Variants in CHD8 observed in about 807,000 individuals in gnomAD.
The protein encoded by CHD8 is ATP-dependent chromatin remodeler CHD8.
A neutral mutation model predicts 279.2 loss-of-function variants in CHD8; 31 were observed. The observed-to-expected ratio is 0.11, with a 90% CI of 0.08 to 0.15. The LOEUF (loss-of-function observed/expected upper bound fraction) is 0.15, where lower values mean the gene tolerates loss of function less well. CHD8 is among the 10% of genes least tolerant of loss of function. The pLI is 1.00. For missense variants in CHD8, 2,146 were observed against 3,230.5 expected (o/e 0.66, Z 8.14); for synonymous variants, 1,081 against 1,139.6 (o/e 0.95, Z 1.04).
Position 21,397,108 on chromosome 14 carries a change from G to A in CHD8, c.5051+715C>T, listed in dbSNP as rs1326088594. ...TTATTATTTCATTTGTATGGTTCAC[G>A]CTTTTTTGTTTTTATTACTGTGTTC... On this transcript the variant is annotated intron_variant, in intron 27 of 37. Transcript: ENST00000646647. 3.4e-5 allele frequency: 7 copies of A among 207,766 alleles called. No individual in the cohort carries two copies. In the East Asian group the frequency reaches 3.5e-4, roughly 10 times the overall value. 12.9% of individuals were successfully genotyped at this position (207,766 alleles called of 1,614,324 possible).
intron 10 of CHD8, 85 bp from the exon 11 acceptor site, chr14:21,410,073 A>G (rs1318361036): frequency 3.7e-6 from 5 of 1,339,776 alleles, no homozygotes; most frequent in Non-Finnish European, 5.0e-6. Flanking sequence ...TTGTAAAATC[A>G]GATCACAAAG....
At position 21,393,643 on chromosome 14, in the gene CHD8, G is replaced by C. The variant is rs777765819; in HGVS notation, c.6152C>G (p.Thr2051Ser). Residue 2051 changes from threonine (T) to serine (S), a missense_variant, in exon 32 of 38, where the codon ACC becomes AGC. By Grantham distance (58) the Thr-to-Ser change is moderately conservative. Transcript: ENST00000646647. ...TGGAACACTCCGGGAAACCAGAGGG[G>C]TAGTATCAGAGGGGGATACTCGCAT... ...YEMRVSPSDT[T>S]PLVSRSVPPV... The C allele has an allele frequency of 4.3e-6, 7 of 1,613,850 alleles. No individual in the cohort carries two copies. Among genetic ancestry groups the C allele is most frequent in the African/African-American group, 1.3e-5 (1 of 74,912 alleles).
intron 1 of CHD8, among the ~76,000 whole-genome samples, chr14:21,433,136 C>A (rs1889635411): frequency 6.6e-6 from 1 of 152,080 alleles, no homozygotes; most frequent in African/African-American, 2.4e-5. Context: ...AGTAGCTAAT[C>A]AAAAAACAGT....
rs1341030926 is a variant in CHD8, at chr14:21,393,207, G to A, written c.6367C>T (p.Leu2123Phe). The change falls in exon 33 of 38, where the codon CTC becomes TTC. Residue 2123 changes from leucine to phenylalanine, a missense_variant. Leu to Phe is a conservative substitution (Grantham distance 22, BLOSUM62 0). This residue lies in a region of CHD8 where 513 missense variants were observed against 637.6 expected (regional missense o/e 0.80). Transcript: ENST00000646647. Reference sequence around the variant, plus strand: ...GGGAATCCATCTTGGGACATAGTGAGGGACAGGAGACTCTCTTCATCATAG... The same window carrying A: ...GGGAATCCATCTTGGGACATAGTGAAGGACAGGAGACTCTCTTCATCATAG... ...KLYDEESLLSLTMSQDGFPNE... is the reference protein window; with the variant it reads ...KLYDEESLLSFTMSQDGFPNE... 2 of 1,613,896 alleles carry A rather than the reference G, an allele frequency of 1.2e-6. No individual in the cohort carries two copies. Among genetic ancestry groups the A allele is most frequent in the Non-Finnish European group, 1.7e-6 (2 of 1,179,892 alleles).
At chr14:21,422,974 C>T (rs530797765) in intron 5 of CHD8, among the ~76,000 whole-genome samples, 1 of 151,932 alleles carries the variant, frequency 6.6e-6, no homozygotes, top group South Asian at 2.1e-4. Context: ...CTAATGCCAG[C>T]ATTTTGGGAG....
Position 21,408,489 on chromosome 14 carries a change from C to G in CHD8, c.2553G>C (p.Gln851His). ...CATGGATGCCCACATTATATACTTC[C>G]TGCAAGAAGGCAATGGACTGAATAG... ...GKTIQSIAFL[Q>H]EVYNVGIHGP... Residue 851 changes from glutamine to histidine, a missense_variant, in exon 13 of 38, where the codon CAG (glutamine) becomes CAC (histidine). Coordinates refer to ENST00000646647, the MANE Select transcript of CHD8 (RefSeq NM_001170629.2). The surrounding 1 kb of genome is among the most constrained non-coding windows in gnomAD (Gnocchi z 4.3). The G allele has an allele frequency of 1.9e-6, 3 of 1,613,926 alleles. No homozygotes were observed.
Position 21,405,682 on chromosome 14 carries a change from T to G in CHD8, c.3051+39A>C. The G allele has an allele frequency of 1.2e-6, 2 of 1,607,816 alleles. No homozygotes were observed. The highest frequency in any genetic ancestry group is 1.7e-6 in the Non-Finnish European group (2 of 1,176,526). ...TCTGCCTTGTACAAACTTCACCTTCTTTGTCCTGAGTTAGTACCTCATCAG... is the reference window on the plus strand; with the variant it reads ...TCTGCCTTGTACAAACTTCACCTTCGTTGTCCTGAGTTAGTACCTCATCAG... On this transcript the variant is annotated intron_variant, in intron 15 of 37. Transcript: ENST00000646647. This position sits in a 1 kb window ranked among gnomAD's most constrained non-coding sequence, Gnocchi z 4.2.
intron 28 of CHD8, chr14:21,395,594 AAAT>A: frequency 1.7e-6 from 1 of 589,336 alleles, no homozygotes; most frequent in Non-Finnish European, 3.0e-6. Flanking sequence ...TTTATTAGTC[AAAT>A]AATATCTTTC....
At chr14:21,394,573 A>G (rs1887690519) in intron 30 of CHD8, 88 bp from the exon 31 acceptor site, 2 of 598,776 alleles carry the variant, frequency 3.3e-6, no homozygotes, top group South Asian at 2.0e-5. Context: ...GTGTTTTAGA[A>G]TATCTGAAAA....
At chr14:21,430,495 GA>G in intron 2 of CHD8, 1 of 274,734 alleles carries the variant, frequency 3.6e-6, no homozygotes, top group Non-Finnish European at 6.9e-6. Context: ...CAATTATTGT[GA>G]ACTCTTGCTT....
chr14:21,391,687 GGGGAGGGA>G, intron 35 of CHD8, 45 bp from the exon 36 acceptor site: 1 of 1,539,156 alleles, frequency 6.5e-7, no homozygotes, highest in Non-Finnish European at 8.8e-7. Flanking sequence ...CTCTTCTTTG[GGGGAGGGA>G]GGGAGGGGGA....
chr14:21,388,825 T>G (rs1566407190), intron 37 of CHD8, among the ~76,000 whole-genome samples: 2 of 152,122 alleles, frequency 1.3e-5, no homozygotes, highest in Non-Finnish European at 2.9e-5. Context: ...ATCCATGGAT[T>G]TTGGTATCTG....
chr14:21,431,399 G>A lies in CHD8; in HGVS notation c.245C>T (p.Ser82Phe), dbSNP rs1889558800. 1.3e-6 allele frequency: 2 copies of A among 1,537,260 alleles called. No homozygotes were observed. Among genetic ancestry groups the A allele is most frequent in the African/African-American group, 2.7e-5 (2 of 73,166 alleles). ...ETAPTELSKESTAPAPESITL... is the reference protein window; with the variant it reads ...ETAPTELSKEFTAPAPESITL... Reference sequence around the variant, plus strand: ...TATGGATTCTGGAGCTGGAGCTGTGGATTCTTTGGAAAGTTCTGTGGGAGC... The same window carrying A: ...TATGGATTCTGGAGCTGGAGCTGTGAATTCTTTGGAAAGTTCTGTGGGAGC... The change falls in exon 2 of 38, where the codon TCC (serine) becomes TTC (phenylalanine). Residue 82 changes from serine to phenylalanine, a missense_variant. Ser to Phe is a radical substitution (Grantham distance 155). Coordinates refer to ENST00000646647, the MANE Select transcript of CHD8 (RefSeq NM_001170629.2).
At chr14:21,434,416 G>T (rs1485590876) in intron 1 of CHD8, among the ~76,000 whole-genome samples, 4 of 151,714 alleles carry the variant, frequency 2.6e-5, no homozygotes, top group Non-Finnish European at 4.4e-5. Context: ...GTATTTTGTC[G>T]CTTCCATGAT....
In CHD8 at chr14:21,392,603, T is replaced by C. The variant is rs1248591375; in HGVS notation, c.6675A>G (p.Ala2225=). Residue 2225 remains alanine (A), a synonymous_variant, in exon 34 of 38, where the codon GCA becomes GCG. Transcript: ENST00000646647. ...TPRSSSAASM[A]EEEASAVSTA... ...TGCTGACTGCAGATGCTTCCTCCTC[T>C]GCCATGGAAGCTGCACTACTACTTC... The C allele has an allele frequency of 6.2e-7, 1 of 1,613,940 alleles. No individual in the cohort carries two copies. Among genetic ancestry groups the C allele is most frequent in the South Asian group, 1.1e-5 (1 of 91,074 alleles).
intron 1 of CHD8, among the ~76,000 whole-genome samples, chr14:21,451,688 G>A (rs1032675719): frequency 4.6e-5 from 7 of 150,552 alleles, no homozygotes; most frequent in East Asian, 3.9e-4. Flanking sequence ...TAGAAATTAC[G>A]TGCTTTAAGT....
Position 21,390,785 on chromosome 14 carries a change from C to A in CHD8, c.7182+162G>T, listed in dbSNP as rs575071320. ...CTCCGTCTCAAAAAAAAAAAAAAAA[C>A]CCCAGAAAACTCCGGTTTCCTTATT... On this transcript the variant is annotated intron_variant, in intron 37 of 37. Coordinates refer to ENST00000646647, the MANE Select transcript of CHD8 (RefSeq NM_001170629.2). Among the ~76,000 whole-genome samples, 6,936 of 147,892 alleles carry A rather than the reference C, an allele frequency of 0.047. 302 individuals carry two copies. The highest frequency in any genetic ancestry group is 0.11 in the African/African-American group (4,534 of 39,920).
chr14:21,429,838 G>C (rs1889489710), intron 2 of CHD8: 1 of 219,140 alleles, frequency 4.6e-6, no homozygotes, highest in African/African-American at 2.3e-5. Flanking sequence ...GTAGAGATGA[G>C]GTCTATGTTT....
Position 21,431,360 on chromosome 14 carries a change from T to C in CHD8, c.284A>G (p.Tyr95Cys). Reference sequence around the variant, plus strand: ...CTCCTGGCTGGCAGGCTGAGTGGTATAATCATGCAAGGTTATGGATTCTGG... The same window carrying C: ...CTCCTGGCTGGCAGGCTGAGTGGTACAATCATGCAAGGTTATGGATTCTGG... ...PAPESITLHDYTTQPASQEQP... is the reference protein window; with the variant it reads ...PAPESITLHDCTTQPASQEQP... Residue 95 changes from tyrosine (Y) to cysteine (C), a missense_variant, in exon 2 of 38, where the codon TAT becomes TGT. Tyr to Cys is a radical substitution (Grantham distance 194). This residue lies in a region of CHD8 where 302 missense variants were observed against 325.5 expected (regional missense o/e 0.93). Transcript: ENST00000646647. 6.5e-7 allele frequency: 1 copy of C among 1,537,596 alleles called. No individual in the cohort carries two copies. Among genetic ancestry groups the C allele is most frequent in the South Asian group, 1.2e-5 (1 of 84,112 alleles).
Sources: allele counts gnomAD v4.1 joint callset (sites outside exome capture counted in the v4.1 genomes callset), GRCh38; gene constraint gnomAD v4.1.1; regional missense constraint gnomAD v4.1.1; non-coding constraint Gnocchi (gnomAD v3.1); transcripts MANE v1.5; gene names NCBI Gene and HGNC (gene_info 2026-07-23, HGNC 2026-07-21).